PKNOX2: variants seen among roughly 807,000 people sequenced by gnomAD.
PKNOX2 encodes the protein homeobox protein PKNOX2.
Under a neutral mutation model 53.1 loss-of-function variants are expected in PKNOX2, and 14 were observed. The ratio of observed to expected loss-of-function variants is 0.26; its 90% CI spans 0.17 to 0.41. The LOEUF (loss-of-function observed/expected upper bound fraction) is 0.41. Ranked by LOEUF, PKNOX2 falls within the 10% of genes least tolerant of loss-of-function variation. The probability of loss-of-function intolerance (pLI) is 1.00; values close to 1 mark genes in which losing one functional copy is unlikely to be tolerated. For synonymous variants in PKNOX2, 257 were observed against 242.8 expected (o/e 1.06, Z -0.54); for missense variants, 496 against 602.8 (o/e 0.82, Z 1.85).
At chr11:125,305,622 G>T (rs1948389691) in intron 2 of PKNOX2, among the ~76,000 whole-genome samples, 1 of 152,200 alleles carries the variant, frequency 6.6e-6, no homozygotes, top group Non-Finnish European at 1.5e-5. Flanking sequence ...TGTGCTCAAA[G>T]AAATGGCTGT....
At chr11:125,248,000 C>T (rs1256162882) in intron 2 of PKNOX2, among the ~76,000 whole-genome samples, 1 of 152,198 alleles carries the variant, frequency 6.6e-6, no homozygotes, top group Non-Finnish European at 1.5e-5. Context: ...CCTGAACCTC[C>T]TGCCACTGAC....
chr11:125,168,061 A>G (rs1955021856), intron 1 of PKNOX2, among the ~76,000 whole-genome samples: 1 of 152,178 alleles, frequency 6.6e-6, no homozygotes, highest in Admixed American at 6.5e-5. Flanking sequence ...CTGTTCAGTT[A>G]AACCCAAACT....
intron 6 of PKNOX2, among the ~76,000 whole-genome samples, chr11:125,386,406 C>T (rs978918729): frequency 6.6e-6 from 1 of 152,136 alleles, no homozygotes; most frequent in African/African-American, 2.4e-5. Flanking sequence ...GTTTGGTAAC[C>T]ACTGAGTTGG....
At chr11:125,190,635 T>C (rs1246243356) in intron 1 of PKNOX2, among the ~76,000 whole-genome samples, 1 of 152,144 alleles carries the variant, frequency 6.6e-6, no homozygotes, top group Non-Finnish European at 1.5e-5. Context: ...AATTGGTTGA[T>C]ACTCTGTCCC....
chr11:125,187,219 T>C (rs1956504853), intron 1 of PKNOX2, among the ~76,000 whole-genome samples: 1 of 152,196 alleles, frequency 6.6e-6, no homozygotes, highest in African/African-American at 2.4e-5. Context: ...CCATTTGAAG[T>C]TGAGATTAAC....
chr11:125,300,099 G>A (rs55665728), intron 2 of PKNOX2, among the ~76,000 whole-genome samples: 5,709 of 152,328 alleles, frequency 0.037, 348 homozygotes, highest in African/African-American at 0.13. Context: ...CTTCGGGGCC[G>A]TGTGAGCGGT....
chr11:125,236,207 G>A (rs982012293), intron 2 of PKNOX2, among the ~76,000 whole-genome samples: 1 of 152,210 alleles, frequency 6.6e-6, no homozygotes, highest in Admixed American at 6.5e-5. Flanking sequence ...CAGGGCGCCG[G>A]CCCTCCCGCC....
intron 2 of PKNOX2, among the ~76,000 whole-genome samples, chr11:125,267,059 T>C (rs1591505336): frequency 6.6e-6 from 1 of 152,336 alleles, no homozygotes. Flanking sequence ...GTCCTTGCTA[T>C]CATTGTCTGT....
At chr11:125,233,220 C>A (rs1179714663) in intron 1 of PKNOX2, among the ~76,000 whole-genome samples, 1 of 152,210 alleles carries the variant, frequency 6.6e-6, no homozygotes, top group Non-Finnish European at 1.5e-5. Flanking sequence ...CTTTTCTCAG[C>A]TTTGCATCAT....
rs997265525 is a variant in PKNOX2 at position 125,174,985 on chromosome 11, C to T, written c.-201+10209C>T. ...AGCCAAGGAGCTCGAAAGGATTCCT[C>T]CAGCCTTCCCTGAAGCCTGTTTCCA... On this transcript the variant is annotated intron_variant, in intron 1 of 12. Coordinates refer to ENST00000298282, the MANE Select transcript of PKNOX2 (RefSeq NM_001382323.2). Among the ~76,000 whole-genome samples the T allele has an allele frequency of 1.4e-4, 22 of 152,258 alleles. No homozygotes were observed. The East Asian group carries it at 3.1e-3, about 21-fold the overall frequency.
chr11:125,411,941 G>C, intron 10 of PKNOX2, 76 bp downstream of exon 10: 1 of 1,594,130 alleles, frequency 6.3e-7, no homozygotes, highest in Non-Finnish European at 8.6e-7. Flanking sequence ...ACCAGACTCT[G>C]CTGTCGGCTC....
intron 4 of PKNOX2, among the ~76,000 whole-genome samples, chr11:125,353,021 G>A (rs1272858536): frequency 6.6e-6 from 1 of 152,200 alleles, no homozygotes; most frequent in East Asian, 1.9e-4. Flanking sequence ...GGCCAGAATA[G>A]GGGCAAGATC....
intron 4 of PKNOX2, among the ~76,000 whole-genome samples, chr11:125,362,425 G>A (rs928352023): frequency 6.6e-6 from 1 of 152,086 alleles, no homozygotes. Flanking sequence ...CCAGGCTGGA[G>A]CACAGTGGTA....
At position 125,385,551 on chromosome 11, in the gene PKNOX2, G is replaced by A. The variant is rs1298918084; in HGVS notation, c.228G>A (p.Arg76=). The change falls in exon 6 of 13, where the codon AGG becomes AGA. Residue 76 remains arginine (R), a splice_region_variant and synonymous_variant. Coordinates refer to ENST00000298282, the MANE Select transcript of PKNOX2 (RefSeq NM_001382323.2). The part of the protein sequence containing the change: ...QLEADKRAVY[R]HPLFPLLTLL... ...GTGTGAGCTCTTGATGTCCCTGCAG[G>A]CACCCTCTTTTCCCGCTCCTGACGC... 1 of 1,606,636 alleles carries A rather than the reference G, an allele frequency of 6.2e-7. No homozygotes were observed. The highest frequency in any genetic ancestry group is 1.1e-5 in the South Asian group (1 of 89,850).
At chr11:125,183,759 A>AT (rs1160571240) in intron 1 of PKNOX2, among the ~76,000 whole-genome samples, 1 of 151,804 alleles carries the variant, frequency 6.6e-6, no homozygotes, top group East Asian at 1.9e-4. Flanking sequence ...CAGAGAGAAT[A>AT]TTTTTCTGGA....
chr11:125,233,425 G>C (rs575406541), intron 1 of PKNOX2, among the ~76,000 whole-genome samples: 1 of 152,214 alleles, frequency 6.6e-6, no homozygotes, highest in African/African-American at 2.4e-5. Context: ...GCCAGCCAAG[G>C]GTTGGTTCTG....
chr11:125,410,689 A>C (rs1216026810), intron 8 of PKNOX2, 90 bp from the exon 9 acceptor site: 2 of 990,054 alleles, frequency 2.0e-6, no homozygotes, highest in African/African-American at 3.2e-5. Flanking sequence ...GGGTCTTTAC[A>C]CATGAGTGCC....
chr11:125,241,269 A>G (rs1423719656), intron 2 of PKNOX2, among the ~76,000 whole-genome samples: 1 of 152,086 alleles, frequency 6.6e-6, no homozygotes, highest in African/African-American at 2.4e-5. Flanking sequence ...AATCTCCCCC[A>G]ACAAATACTC....
chr11:125,385,910 C>A (rs1259084250), intron 6 of PKNOX2, among the ~76,000 whole-genome samples, 188 bp downstream of exon 6: 1 of 152,204 alleles, frequency 6.6e-6, no homozygotes, highest in Non-Finnish European at 1.5e-5. Context: ...CCAAGAGTTC[C>A]ATGCACAGGC....
Sources: allele counts gnomAD v4.1 joint callset (sites outside exome capture counted in the v4.1 genomes callset), GRCh38; gene constraint gnomAD v4.1.1; transcripts MANE v1.5; gene names NCBI Gene and HGNC (gene_info 2026-07-23, HGNC 2026-07-21).